The following DRC9 variants were observed in gnomAD, a reference collection of about 807,000 sequenced individuals.
DRC9 encodes dynein regulatory complex subunit 9, also known as dynein regulatory complex protein 9.
chr3:197,950,216 G>T, the DRC9 span: 1 of 1,231,432 alleles, frequency 8.1e-7, no homozygotes. Flanking sequence ...CTTGGCTCCT[G>T]TGGAGGTGAG....
At chr3:197,890,160 T>C in the DRC9 span, among the ~76,000 whole-genome samples, 2 of 152,098 alleles carry the variant, frequency 1.3e-5, no homozygotes, top group Admixed American at 1.3e-4. Context: ...TTTGGGAGGC[T>C]GAGGTGGGCA....
chr3:197,912,224 G>T, the DRC9 span, among the ~76,000 whole-genome samples: 2 of 151,580 alleles, frequency 1.3e-5, no homozygotes, highest in African/African-American at 2.4e-5. Flanking sequence ...TTTTTTAATA[G>T]AAACAGGGTT....
chr3:197,932,086 G>T, the DRC9 span: 1 of 1,378,292 alleles, frequency 7.3e-7, no homozygotes, highest in Non-Finnish European at 1.0e-6. Context: ...GCACACGGTT[G>T]GTTTGCTTTA....
At chr3:197,953,453 C>G in the DRC9 span, 2 of 456,626 alleles carry the variant, frequency 4.4e-6, no homozygotes, top group African/African-American at 4.0e-5. Context: ...AGTAAAAGCC[C>G]GTCATTAAGA....
At chr3:197,892,654 C>CTAAG in the DRC9 span, 1 of 1,610,892 alleles carries the variant, frequency 6.2e-7, no homozygotes. Flanking sequence ...TGAAGGTGTG[C>CTAAG]TAAGTCACTG....
the DRC9 span, among the ~76,000 whole-genome samples, chr3:197,933,975 T>TAAAA: frequency 9.1e-6 from 1 of 109,514 alleles, no homozygotes; most frequent in African/African-American, 3.4e-5. Context: ...CTCACCCAGC[T>TAAAA]AAAAAAAAAA....
chr3:197,936,317 C>T, the DRC9 span, among the ~76,000 whole-genome samples: 4 of 152,034 alleles, frequency 2.6e-5, no homozygotes, highest in Admixed American at 6.6e-5. Context: ...CCTACAAATT[C>T]CCATTTTAAA....
chr3:197,893,758 G>A, the DRC9 span, among the ~76,000 whole-genome samples: 1 of 151,884 alleles, frequency 6.6e-6, no homozygotes, highest in Non-Finnish European at 1.5e-5. Flanking sequence ...TGAGGCAGGA[G>A]AATCTCTTGA....
chr3:197,920,427 TAA>T, the DRC9 span, among the ~76,000 whole-genome samples: 132 of 116,336 alleles, frequency 1.1e-3, no homozygotes, highest in Middle Eastern at 4.8e-3. Flanking sequence ...CCATCTCAAT[TAA>T]AAAAAAAAAA....
At chr3:197,912,515 A>G in the DRC9 span, 580 of 620,902 alleles carry the variant, frequency 9.3e-4, 5 homozygotes, top group African/African-American at 8.9e-3. Flanking sequence ...GCTATATAAG[A>G]TATCTATTCA....
the DRC9 span, among the ~76,000 whole-genome samples, chr3:197,903,243 A>G: frequency 2.6e-5 from 4 of 152,202 alleles, no homozygotes; most frequent in African/African-American, 9.7e-5. Flanking sequence ...AAAAGAAAAC[A>G]CTGGGGAAAC....
chr3:197,906,611 C>T, the DRC9 span: 1 of 152,178 alleles, frequency 6.6e-6, no homozygotes, highest in Non-Finnish European at 1.5e-5. Context: ...AGAGCCAATG[C>T]TTCAGTCATC....
At chr3:197,947,161 GTGTT>G in the DRC9 span, among the ~76,000 whole-genome samples, 2 of 152,288 alleles carry the variant, frequency 1.3e-5, no homozygotes, top group South Asian at 2.1e-4. Context: ...AGTTGTTGCT[GTGTT>G]TGTTTGTTTC....
the DRC9 span, among the ~76,000 whole-genome samples, chr3:197,930,241 AG>A: frequency 6.6e-6 from 1 of 152,018 alleles, no homozygotes; most frequent in African/African-American, 2.4e-5. Context: ...CAGCGACTTG[AG>A]GGGGCTGAGG....
the DRC9 span, among the ~76,000 whole-genome samples, chr3:197,900,358 CCTT>C: frequency 6.6e-6 from 1 of 152,210 alleles, no homozygotes; most frequent in African/African-American, 2.4e-5. This position sits in a 1 kb window ranked among gnomAD's most constrained non-coding sequence, Gnocchi z 4.7. Context: ...AGAGATTTCC[CCTT>C]CTTCTGTTTG....
At chr3:197,920,149 T>C in the DRC9 span, among the ~76,000 whole-genome samples, 298 of 151,938 alleles carry the variant, frequency 2.0e-3, 2 homozygotes, top group African/African-American at 6.9e-3. Context: ...GCAGAGGTTG[T>C]AGTGAGCTGA....
At chr3:197,913,275 C>G in the DRC9 span, 256 of 186,050 alleles carry the variant, frequency 1.4e-3, no homozygotes, top group African/African-American at 5.1e-3. Context: ...GATCCTCCTG[C>G]CTCACTGCCT....
chr3:197,948,737 C>G, the DRC9 span, among the ~76,000 whole-genome samples: 36 of 152,324 alleles, frequency 2.4e-4, no homozygotes, highest in African/African-American at 7.2e-4. Flanking sequence ...TTAAAAGTGA[C>G]TTATATACAT....
chr3:197,938,979 T>C, the DRC9 span: 1 of 575,952 alleles, frequency 1.7e-6, no homozygotes, highest in Non-Finnish European at 3.1e-6. Context: ...TCTCCGTCAT[T>C]CCCCAACTTA....
Sources: gnomAD v4.1 joint callset for allele counts (sites outside exome capture counted in the v4.1 genomes callset) on GRCh38, gnomAD v4.1.1 for gene constraint, Gnocchi (gnomAD v3.1) non-coding constraint, MANE v1.5 for transcripts, NCBI Gene and HGNC (gene_info 2026-07-23, HGNC 2026-07-21) for gene names.